Variants in ADGRG6 observed in about 807,000 individuals in gnomAD.
ADGRG6 encodes G-protein coupled receptor 126.
In ADGRG6, 84 loss-of-function variants were observed where a neutral mutation model predicts 142.4. The ratio of observed to expected loss-of-function variants is 0.59; its 90% confidence interval spans 0.49 to 0.71. ADGRG6 has a LOEUF of 0.71. ADGRG6 is among the 30% of genes least tolerant of loss of function. ADGRG6 has a pLI of 0.00. For synonymous variants in ADGRG6, 521 were observed against 520.5 expected (o/e 1.00, Z -0.01); for missense variants, 1,367 against 1,466.6 (o/e 0.93, Z 1.11).
Position 142,444,510 on chromosome 6 carries a change from T to G in ADGRG6, c.*995T>G, listed in dbSNP as rs1456661556. On this transcript the variant is annotated 3_prime_UTR_variant, in exon 25 of 25. Transcript: ENST00000367609. ...GCCTCGTATTTCCCCATTGAGAGTT[T>G]TGTTCCAAGGAATATGAAGTGAGAC... 2 of 152,162 alleles carry G rather than the reference T, an allele frequency of 1.3e-5. No homozygotes were observed. Among genetic ancestry groups the G allele is most frequent in the South Asian group, 2.1e-4 (1 of 4,830 alleles). The allele number at this position is 152,162 out of a possible 1,614,324, so 9.4% of individuals were successfully genotyped here. A position where few individuals can be genotyped will look rare whatever the true frequency, so the allele number is the denominator to read the frequency against.
intron 19 of ADGRG6, 65 bp from the exon 20 acceptor site, chr6:142,415,731 G>T (rs935875488): frequency 1.8e-6 from 2 of 1,113,472 alleles, no homozygotes; most frequent in Non-Finnish European, 1.3e-6. Context: ...ATTTATACAG[G>T]CCTGTGCTTA....
chr6:142,353,711 G>C (rs1339221336), intron 2 of ADGRG6, among the ~76,000 whole-genome samples: 1 of 152,102 alleles, frequency 6.6e-6, no homozygotes, highest in Non-Finnish European at 1.5e-5. Context: ...AAAAGAGTAT[G>C]CCCCAAGAGG....
intron 2 of ADGRG6, among the ~76,000 whole-genome samples, chr6:142,328,127 G>A (rs925918403): frequency 2.6e-5 from 4 of 152,116 alleles, no homozygotes; most frequent in African/African-American, 9.7e-5. Flanking sequence ...TTATCTTGGA[G>A]GTAAACCTCC....
chr6:142,364,890 T>A (rs747644323), intron 2 of ADGRG6, among the ~76,000 whole-genome samples: 2 of 152,082 alleles, frequency 1.3e-5, no homozygotes, highest in Non-Finnish European at 2.9e-5. Flanking sequence ...ATAATAAATT[T>A]TCTTAAACCC....
At position 142,403,903 on chromosome 6, in the gene ADGRG6, T is replaced by C. The variant is rs747035910; in HGVS notation, c.2057T>C (p.Leu686Pro). 13 of 1,610,342 alleles carry C rather than the reference T, an allele frequency of 8.1e-6. No homozygotes were observed. The highest frequency in any genetic ancestry group is 1.7e-6 in the Non-Finnish European group (2 of 1,176,876). ...AACTTGGCTCTCAGCGTATCATCCC[T>C]GTTACCAGGGACAAATGCAATTTCA... Reference protein sequence around the residue: ...TRNLALSVSSLLPGTNAISNF... With the variant: ...TRNLALSVSSPLPGTNAISNF... Residue 686 changes from leucine to proline, a missense_variant, in exon 14 of 25, where the codon CTG becomes CCG. Coordinates refer to ENST00000367609, the MANE Select transcript of ADGRG6 (RefSeq NM_198569.3).
intron 24 of ADGRG6, 88 bp downstream of exon 24, chr6:142,438,452 C>A: frequency 1.4e-6 from 1 of 720,614 alleles, no homozygotes; most frequent in South Asian, 2.6e-5. Context: ...AATCACAGTG[C>A]CTAAGAGGGT....
At chr6:142,427,983 G>A (rs1777032730) in intron 22 of ADGRG6, among the ~76,000 whole-genome samples, 1 of 152,088 alleles carries the variant, frequency 6.6e-6, no homozygotes, top group East Asian at 1.9e-4. Context: ...TTTGGGTGGG[G>A]ACACAGCCAA....
At chr6:142,408,882 A>C (rs1583108950) in intron 16 of ADGRG6, among the ~76,000 whole-genome samples, 1 of 152,100 alleles carries the variant, frequency 6.6e-6, no homozygotes, top group South Asian at 2.1e-4. Flanking sequence ...ACAGGCTGGA[A>C]ATGAGTGTGC....
In ADGRG6 at chr6:142,381,971, C is replaced by G; in HGVS notation, c.1090C>G (p.Pro364Ala). Reference protein sequence around the residue: ...LSCGSYLIPLPAAELASCADL... With the variant: ...LSCGSYLIPLAAAELASCADL... ...TCAAGGTTCCTACCTGATCCCGCTC[C>G]CAGCAGCAGAACTGGCCAGCTGTGC... The change falls in exon 5 of 25, where the codon CCA becomes GCA. Residue 364 changes from proline to alanine, a missense_variant. By Grantham distance (27) the Pro-to-Ala change is conservative. Transcript: ENST00000367609. 6.2e-7 allele frequency: 1 copy of G among 1,605,332 alleles called. No individual in the cohort carries two copies. Among genetic ancestry groups the G allele is most frequent in the Non-Finnish European group, 8.5e-7 (1 of 1,174,604 alleles).
intron 3 of ADGRG6, 60 bp downstream of exon 3, chr6:142,367,970 C>A: frequency 2.2e-6 from 2 of 898,212 alleles, no homozygotes; most frequent in South Asian, 1.5e-5. Context: ...CTGCAGTAAA[C>A]ACAAGGACCA....
At chr6:142,373,108 G>A (rs960247092) in intron 4 of ADGRG6, among the ~76,000 whole-genome samples, 8 of 152,174 alleles carry the variant, frequency 5.3e-5, no homozygotes, top group Admixed American at 3.9e-4. Flanking sequence ...CCTGAGGCAC[G>A]TGGAGATTAA....
At position 142,417,268 on chromosome 6, in the gene ADGRG6, A is replaced by G; in HGVS notation, c.2939-5A>G. ...AGAGTTTGTGTCATGGTGTTTTTGT[A>G]ACAGGTTTGCCTGCCTTAGTGGTGT... On this transcript the variant is annotated splice_polypyrimidine_tract_variant and splice_region_variant and intron_variant, in intron 20 of 24. Transcript: ENST00000367609. 1 of 1,531,876 alleles carries G rather than the reference A, an allele frequency of 6.5e-7. No individual in the cohort carries two copies. Among genetic ancestry groups the G allele is most frequent in the Non-Finnish European group, 9.0e-7 (1 of 1,107,628 alleles). 94.9% of individuals were successfully genotyped at this position (1,531,876 alleles called of 1,614,324 possible). A position where few individuals can be genotyped will look rare whatever the true frequency, so the allele number is the denominator to read the frequency against.
intron 2 of ADGRG6, among the ~76,000 whole-genome samples, chr6:142,328,874 T>C (rs1056008200): frequency 5.9e-5 from 9 of 152,122 alleles, no homozygotes; most frequent in African/African-American, 2.2e-4. Flanking sequence ...TTGAGGTAAA[T>C]TGTAGTTTAA....
At chr6:142,370,914 A>G in intron 4 of ADGRG6, 121 bp downstream of exon 4, 2 of 888,166 alleles carry the variant, frequency 2.3e-6, no homozygotes, top group East Asian at 2.7e-5. Flanking sequence ...ACATATAGAC[A>G]TATATATATA....
Position 142,406,095 on chromosome 6 carries a change from AGAAAT to A in ADGRG6, c.2268+270_2268+274del, listed in dbSNP as rs1453409528. ...AAACAATTAGAAATTGAATTAGTGA[AGAAAT>A]GACCGTTTATTATTACTTTTATTAA... On this transcript the variant is annotated intron_variant, in intron 15 of 24. Coordinates refer to ENST00000367609, the MANE Select transcript of ADGRG6 (RefSeq NM_198569.3). 1.1e-4 allele frequency among the ~76,000 whole-genome samples: 17 copies of A among 152,308 alleles called. No individual in the cohort carries two copies. In the East Asian group the frequency reaches 2.9e-3, roughly 26 times the overall value.
intron 1 of ADGRG6, among the ~76,000 whole-genome samples, chr6:142,303,766 A>G (rs2114473806): frequency 6.6e-6 from 1 of 152,294 alleles, no homozygotes; most frequent in Middle Eastern, 3.4e-3. Context: ...ATCTTATGAG[A>G]AAAAAAGCAT....
intron 13 of ADGRG6, 52 bp downstream of exon 13, chr6:142,402,882 C>G (rs1173054608): frequency 2.2e-6 from 2 of 919,814 alleles, no homozygotes; most frequent in African/African-American, 3.3e-5. Flanking sequence ...AATGATGTTA[C>G]ATGATTTCTC....
intron 17 of ADGRG6, among the ~76,000 whole-genome samples, chr6:142,411,095 A>C (rs1470784592): frequency 6.6e-6 from 1 of 152,170 alleles, no homozygotes; most frequent in Admixed American, 6.6e-5. Flanking sequence ...TGATTAGATC[A>C]CCTCTAACTG....
chr6:142,309,746 T>A, intron 2 of ADGRG6, 102 bp downstream of exon 2: 1 of 209,886 alleles, frequency 4.8e-6, no homozygotes. Context: ...ACTTACTGCC[T>A]TTTTTTTTTT....
Sources: allele counts gnomAD v4.1 joint callset (sites outside exome capture counted in the v4.1 genomes callset), GRCh38; gene constraint gnomAD v4.1.1; transcripts MANE v1.5; gene names NCBI Gene and HGNC (gene_info 2026-07-23, HGNC 2026-07-21).